Variants in WDPCP observed in about 807,000 individuals in gnomAD.
WDPCP encodes WD repeat-containing and planar cell polarity effector protein fritz homolog.
WDPCP carries 71 observed loss-of-function variants against 93.1 expected under a neutral mutation model. That is an observed-to-expected ratio of 0.76 (90% CI 0.63 to 0.93). The LOEUF is 0.93. Among genes scored for constraint, WDPCP ranks in the 40% least tolerant of loss-of-function variants. WDPCP has a pLI of 0.00. For synonymous variants in WDPCP, 315 were observed against 315.0 expected, an observed-to-expected ratio of 1.00 and a Z score of 0.00; for missense variants, 844 against 887.4, an observed-to-expected ratio of 0.95 and a Z score of 0.62.
At chr2:63,308,108 A>C (rs1232008265) in intron 13 of WDPCP, among the ~76,000 whole-genome samples, 3 of 152,252 alleles carry the variant, frequency 2.0e-5, no homozygotes, top group Non-Finnish European at 4.4e-5. Flanking sequence ...CACTTCTCAA[A>C]AGAAGACATT....
At chr2:63,282,206 G>T (rs1162326462) in intron 13 of WDPCP, among the ~76,000 whole-genome samples, 1 of 152,052 alleles carries the variant, frequency 6.6e-6, no homozygotes, top group African/African-American at 2.4e-5. Flanking sequence ...GCATGGAACT[G>T]GTATAAAAAC....
At chr2:63,325,433 G>A (rs1347998855) in intron 12 of WDPCP, among the ~76,000 whole-genome samples, 2 of 152,160 alleles carry the variant, frequency 1.3e-5, no homozygotes, top group Non-Finnish European at 1.5e-5. Context: ...AGGGTGCCTC[G>A]GGAAAGCGCC....
chr2:63,622,417 C>T, intron 3 of WDPCP: 2 of 1,613,884 alleles, frequency 1.2e-6, no homozygotes, highest in South Asian at 1.1e-5. Context: ...GCTCTGGAGA[C>T]ACCAAATAAG....
intron 1 of WDPCP, among the ~76,000 whole-genome samples, chr2:63,533,278 C>A (rs1477740555): frequency 6.6e-6 from 1 of 152,286 alleles, no homozygotes; most frequent in African/African-American, 2.4e-5. Context: ...GAACACCTCA[C>A]CATCAATATT....
intron 12 of WDPCP, among the ~76,000 whole-genome samples, chr2:63,348,527 C>CT (rs1351624010): frequency 4.6e-5 from 7 of 152,032 alleles, no homozygotes; most frequent in African/African-American, 1.7e-4. Context: ...AGACTTTTTT[C>CT]TGACAGCAAT....
At chr2:63,360,595 A>T (rs981791679) in intron 12 of WDPCP, among the ~76,000 whole-genome samples, 8 of 152,172 alleles carry the variant, frequency 5.3e-5, no homozygotes, top group African/African-American at 1.7e-4. Context: ...CTAAACCCTT[A>T]CTACTTAGCG....
At chr2:63,453,732 G>A (rs1033082798) in intron 6 of WDPCP, among the ~76,000 whole-genome samples, 1 of 152,066 alleles carries the variant, frequency 6.6e-6, no homozygotes. Context: ...AAGAAAATGT[G>A]GCACATACAC....
Position 63,473,024 on chromosome 2 carries a change from C to T in WDPCP, c.384+11580G>A, listed in dbSNP as rs1487631802. Among the ~76,000 whole-genome samples, 9 of 152,186 alleles carry T rather than the reference C, an allele frequency of 5.9e-5. No homozygotes were observed. The East Asian group carries it at 1.7e-3, about 29-fold the overall frequency. ...CTTAGACTTACAGATCTGAGATTTACAGATGGAGAATTTCCACAAAAGTAT... is the reference window on the plus strand; with the variant it reads ...CTTAGACTTACAGATCTGAGATTTATAGATGGAGAATTTCCACAAAAGTAT... On this transcript the variant is annotated intron_variant, in intron 6 of 17. Transcript: ENST00000272321.
chr2:63,216,770 A>AT (rs933817763), intron 14 of WDPCP, among the ~76,000 whole-genome samples: 3 of 152,080 alleles, frequency 2.0e-5, no homozygotes, highest in Non-Finnish European at 4.4e-5. Context: ...GCCAAACTTA[A>AT]TTTTTTTCCT....
intron 6 of WDPCP, among the ~76,000 whole-genome samples, chr2:63,474,984 T>G (rs1448144370): frequency 6.6e-6 from 1 of 152,132 alleles, no homozygotes; most frequent in Non-Finnish European, 1.5e-5. Context: ...GTTTTCCAAA[T>G]TTTCTGCCTT....
At chr2:63,817,064 G>T (rs969745612) in intron 1 of WDPCP, among the ~76,000 whole-genome samples, 1 of 151,784 alleles carries the variant, frequency 6.6e-6, no homozygotes, top group Non-Finnish European at 1.5e-5. Flanking sequence ...TTACACAGGC[G>T]AATAGTTTGT....
chr2:63,204,923 AC>A (rs1370477320), intron 14 of WDPCP, among the ~76,000 whole-genome samples: 1 of 151,978 alleles, frequency 6.6e-6, no homozygotes, highest in East Asian at 1.9e-4. Context: ...AGAAGTTTCT[AC>A]CCAGACCAAT....
chr2:63,228,577 C>T (rs1678519356), intron 14 of WDPCP: 2 of 151,546 alleles, frequency 1.3e-5, no homozygotes, highest in Non-Finnish European at 2.9e-5. Context: ...TGCTATCCCT[C>T]CCCCCTACCC....
chr2:63,665,447 G>A (rs996538021), intron 2 of WDPCP, among the ~76,000 whole-genome samples: 8 of 152,040 alleles, frequency 5.3e-5, no homozygotes, highest in Admixed American at 4.6e-4. Context: ...TTTTTATAAG[G>A]ACACCAGTCA....
At chr2:63,446,283 A>G (rs1558645613) in intron 6 of WDPCP, among the ~76,000 whole-genome samples, 1 of 151,914 alleles carries the variant, frequency 6.6e-6, no homozygotes, top group African/African-American at 2.4e-5. Flanking sequence ...CCTGAGCTCT[A>G]CCCCCTGTCA....
intron 2 of WDPCP, chr2:63,684,301 C>T: frequency 1.7e-6 from 1 of 601,994 alleles, no homozygotes. Flanking sequence ...GTGGTTGCTG[C>T]TGAAATGGGC....
chr2:63,225,628 A>T (rs890796610), intron 14 of WDPCP, among the ~76,000 whole-genome samples: 16 of 151,922 alleles, frequency 1.1e-4, no homozygotes, highest in African/African-American at 3.9e-4. Flanking sequence ...TTTCTTAATG[A>T]TGAAATGAAT....
At chr2:63,661,105 T>C (rs1191926096) in intron 2 of WDPCP, among the ~76,000 whole-genome samples, 1 of 152,242 alleles carries the variant, frequency 6.6e-6, no homozygotes, top group Non-Finnish European at 1.5e-5. Flanking sequence ...CAAAATTTAC[T>C]GGCTTAAAAC....
intron 13 of WDPCP, among the ~76,000 whole-genome samples, chr2:63,274,379 TAAG>T (rs1230086456): frequency 6.6e-6 from 1 of 151,954 alleles, no homozygotes. Flanking sequence ...ATCAGAAAAG[TAAG>T]AAGATTTCAA....
Sources: allele counts gnomAD v4.1 joint callset (sites outside exome capture counted in the v4.1 genomes callset), GRCh38; gene constraint gnomAD v4.1.1; transcripts MANE v1.5; gene names NCBI Gene and HGNC (gene_info 2026-07-23, HGNC 2026-07-21).